The following CIBAR1 variants were observed in gnomAD, a reference collection of about 807,000 sequenced individuals.
The protein encoded by CIBAR1 is CBY1-interacting BAR domain-containing protein 1.
Under a neutral mutation model 44.0 loss-of-function variants are expected in CIBAR1, and 25 were observed. That is an observed-to-expected ratio of 0.57 (90% CI 0.41 to 0.79). The LOEUF is 0.79. CIBAR1 is among the 30% of genes least tolerant of loss of function. CIBAR1 has a pLI of 0.00. For missense variants in CIBAR1, 278 were observed against 344.8 expected (o/e 0.81, Z 1.53); for synonymous variants, 115 against 119.0 (o/e 0.97, Z 0.22).
rs1810348251 is a variant in CIBAR1 at position 93,701,394 on chromosome 8, T to G, written c.197T>G (p.Leu66Ter). Residue 66 changes from leucine to a stop codon, truncating the protein, a stop_gained, in exon 2 of 9, where the codon TTA becomes TGA. Transcript: ENST00000518322. LOFTEE classifies it high-confidence loss of function. ...TATGCTGCTACAGAGACCCCGCATT[T>G]AAAGCTGGGCCTGATGAACTTTGCA... ...NAYAATETPH[L>*]KLGLMNFADE... The G allele has an allele frequency of 6.2e-7, 1 of 1,613,662 alleles. No individual in the cohort carries two copies. Among genetic ancestry groups the G allele is most frequent in the Non-Finnish European group, 8.5e-7 (1 of 1,179,862 alleles).
At chr8:93,701,201 C>T (rs1463797354) in intron 1 of CIBAR1, 23 bp from the exon 2 acceptor site, 1 of 1,603,884 alleles carries the variant, frequency 6.2e-7, no homozygotes, top group Non-Finnish European at 8.5e-7. Flanking sequence ...AATGTTTTGC[C>T]TTTTGTGTCA....
chr8:93,726,168 T>C, intron 7 of CIBAR1: 1 of 378,296 alleles, frequency 2.6e-6, no homozygotes, highest in Non-Finnish European at 4.8e-6. Flanking sequence ...CATGACTAAT[T>C]ACTGTTTAAT....
At chr8:93,705,164 A>G in intron 4 of CIBAR1, 154 bp downstream of exon 4, 1 of 570,884 alleles carries the variant, frequency 1.8e-6, no homozygotes, top group Non-Finnish European at 3.0e-6. Flanking sequence ...CACTATAGAA[A>G]TTTTAAAGAG....
intron 3 of CIBAR1, among the ~76,000 whole-genome samples, chr8:93,703,956 C>T (rs1447375306): frequency 6.6e-6 from 1 of 151,720 alleles, no homozygotes; most frequent in Non-Finnish European, 1.5e-5. Context: ...CCCAGCTACT[C>T]AGGAGGCCGA....
intron 4 of CIBAR1, chr8:93,705,833 C>G (rs1810556434): frequency 6.6e-6 from 1 of 152,272 alleles, no homozygotes. Context: ...ACCTGTAGTC[C>G]CAGCTACTTG....
intron 6 of CIBAR1, among the ~76,000 whole-genome samples, chr8:93,712,114 T>A (rs1810848668): frequency 6.6e-6 from 1 of 152,262 alleles, no homozygotes. Flanking sequence ...CATTGGGCTA[T>A]AATTCACTGT....
At chr8:93,721,218 AG>A (rs2130365635) in intron 7 of CIBAR1, 1 of 152,358 alleles carries the variant, frequency 6.6e-6, no homozygotes, top group African/African-American at 2.4e-5. Context: ...TCCTGCAAGA[AG>A]TAACACTGCA....
intron 6 of CIBAR1, among the ~76,000 whole-genome samples, chr8:93,710,347 A>T (rs1810773983): frequency 6.6e-6 from 1 of 151,478 alleles, no homozygotes; most frequent in African/African-American, 2.4e-5. Flanking sequence ...AATAAAATGT[A>T]TTGGTTTTTT....
rs1220810757 is a variant in CIBAR1, at chr8:93,728,340, A to G, written c.*43A>G. The G allele has an allele frequency of 1.5e-6, 2 of 1,291,432 alleles. No homozygotes were observed. The highest frequency in any genetic ancestry group is 2.2e-6 in the Non-Finnish European group (2 of 913,200). The allele number at this position is 1,291,432 out of a possible 1,614,324, so 80.0% of individuals were successfully genotyped here. On this transcript the variant is annotated 3_prime_UTR_variant, in exon 9 of 9. Transcript: ENST00000518322. ...TCATCATAAATGACTTGAAATCCAC[A>G]ATGACTAAATTGTAGAACTTTATAC...
At position 93,726,298 on chromosome 8, in the gene CIBAR1, G is replaced by GT. The variant is rs886806906; in HGVS notation, c.658-89dup. On this transcript the variant is annotated intron_variant, in intron 7 of 8. Transcript: ENST00000518322. Reference sequence around the variant, plus strand: ...GAATTTTGTCCATTTGGGGGGAGTTGTTTTTTTAAAAAAAAATCTTAACTA... The same window carrying GT: ...GAATTTTGTCCATTTGGGGGGAGTTGTTTTTTTTAAAAAAAAATCTTAACTA... The GT allele has an allele frequency of 3.0e-5, 35 of 1,156,094 alleles. No homozygotes were observed. In the East Asian group the frequency reaches 3.5e-4, roughly 12 times the overall value. 71.6% of individuals were successfully genotyped at this position (1,156,094 alleles called of 1,614,324 possible). A position where few individuals can be genotyped will look rare whatever the true frequency, so the allele number is the denominator to read the frequency against.
chr8:93,703,801 A>C, intron 3 of CIBAR1, 113 bp downstream of exon 3: 1 of 836,648 alleles, frequency 1.2e-6, no homozygotes, highest in Non-Finnish European at 1.8e-6. Flanking sequence ...GTGGTGGCTC[A>C]TGCCTGTAAT....
intron 5 of CIBAR1, among the ~76,000 whole-genome samples, chr8:93,708,475 T>C (rs777260409): frequency 7.2e-5 from 11 of 152,184 alleles, no homozygotes; most frequent in South Asian, 2.1e-4. Context: ...TTTTATTTAA[T>C]TTTAATTAGT....
chr8:93,706,013 T>C (rs1039255434), intron 4 of CIBAR1: 1 of 152,106 alleles, frequency 6.6e-6, no homozygotes, highest in Non-Finnish European at 1.5e-5. Context: ...TCCCATTCCT[T>C]CTTCTATATG....
At chr8:93,718,438 T>C (rs1297877756) in intron 6 of CIBAR1, among the ~76,000 whole-genome samples, 2 of 152,114 alleles carry the variant, frequency 1.3e-5, no homozygotes, top group Non-Finnish European at 2.9e-5. Flanking sequence ...CTAACTAAAA[T>C]AAAAAATAAG....
At chr8:93,704,048 T>C (rs1311123079) in intron 3 of CIBAR1, among the ~76,000 whole-genome samples, 1 of 150,632 alleles carries the variant, frequency 6.6e-6, no homozygotes, top group East Asian at 1.9e-4. Context: ...CAGGCGACAG[T>C]GTGAGACTCT....
chr8:93,714,573 T>G (rs542322344), intron 6 of CIBAR1, among the ~76,000 whole-genome samples: 66 of 152,224 alleles, frequency 4.3e-4, no homozygotes, highest in African/African-American at 1.6e-3. Flanking sequence ...GGATCTTTTA[T>G]AATAAAGAGG....
At chr8:93,703,119 G>C (rs927059517) in intron 2 of CIBAR1, among the ~76,000 whole-genome samples, 7 of 152,022 alleles carry the variant, frequency 4.6e-5, no homozygotes, top group Admixed American at 1.3e-4. Context: ...TGTAGGCTTC[G>C]ATAATTCACA....
intron 5 of CIBAR1, among the ~76,000 whole-genome samples, chr8:93,709,140 T>C (rs2976365): frequency 0.71 from 107,905 of 152,002 alleles, 38,671 homozygotes; most frequent in African/African-American, 0.78. Flanking sequence ...ATTAGCTGGG[T>C]GTGGTGGCAT....
intron 6 of CIBAR1, among the ~76,000 whole-genome samples, chr8:93,711,633 A>G (rs1377857223): frequency 6.6e-6 from 1 of 152,246 alleles, no homozygotes. Context: ...TAAGATAATT[A>G]ATTAGCCTTA....
Sources: gnomAD v4.1 joint callset for allele counts (sites outside exome capture counted in the v4.1 genomes callset) on GRCh38, gnomAD v4.1.1 for gene constraint, MANE v1.5 for transcripts, NCBI Gene and HGNC (gene_info 2026-07-23, HGNC 2026-07-21) for gene names.